The following CDH18 variants were observed in gnomAD, a reference collection of about 807,000 sequenced individuals.
The protein encoded by CDH18 is cadherin-18.
Under a neutral mutation model 67.9 loss-of-function variants are expected in CDH18, and 31 were observed. That is an observed-to-expected ratio of 0.46 (90% confidence interval 0.34 to 0.62). CDH18 has a LOEUF of 0.62. Among genes scored for constraint, CDH18 ranks in the 20% least tolerant of loss-of-function variants. CDH18 has a pLI of 0.01. For synonymous variants in CDH18, 362 were observed against 347.2 expected (o/e 1.04, Z -0.48); for missense variants, 890 against 975.5 (o/e 0.91, Z 1.17).
chr5:19,982,967 C>G (rs185454504), intron 1 of CDH18, among the ~76,000 whole-genome samples: 3,367 of 135,576 alleles, frequency 0.025, 51 homozygotes, highest in Non-Finnish European at 0.04. Context: ...TCGCTTGAAC[C>G]TGGGAGGTGG....
intron 2 of CDH18, among the ~76,000 whole-genome samples, chr5:19,912,676 G>A (rs2150142482): frequency 6.6e-6 from 1 of 152,276 alleles, no homozygotes; most frequent in Middle Eastern, 3.4e-3. Flanking sequence ...AAGATAATGT[G>A]TGCATAGAAG....
chr5:19,710,980 CA>C (rs563000446), intron 5 of CDH18, among the ~76,000 whole-genome samples: 223 of 151,830 alleles, frequency 1.5e-3, no homozygotes, highest in African/African-American at 5.2e-3. Context: ...TTTAAAAAAC[CA>C]ACAAAAACAA....
chr5:20,080,861 T>C (rs1744407822), intron 2 of CDH18, among the ~76,000 whole-genome samples: 1 of 152,140 alleles, frequency 6.6e-6, no homozygotes, highest in African/African-American at 2.4e-5. Context: ...AGTTGTGAAA[T>C]CTTTTCAAGA....
At chr5:19,505,399 T>C (rs1743955187) in intron 10 of CDH18, among the ~76,000 whole-genome samples, 1 of 152,180 alleles carries the variant, frequency 6.6e-6, no homozygotes, top group South Asian at 2.1e-4. Context: ...TTGTGCCAGT[T>C]TTCAAAGGGA....
chr5:19,681,421 G>C (rs866061725), intron 5 of CDH18, among the ~76,000 whole-genome samples: 14 of 151,832 alleles, frequency 9.2e-5, no homozygotes, highest in African/African-American at 2.7e-4. Flanking sequence ...CCTTTTAGTT[G>C]AATAGTTTTA....
rs556834412 is a variant in CDH18 at position 19,775,763 on chromosome 5, A to C, written c.229-28527T>G. ...CAGATGTACATCAGCAATATAAGAC[A>C]AATAAGGCCTACAGGAATACTACAC... On this transcript the variant is annotated intron_variant, in intron 3 of 12. Coordinates refer to ENST00000382275, the MANE Select transcript of CDH18 (RefSeq NM_004934.5). Among the ~76,000 whole-genome samples the C allele has an allele frequency of 5.9e-5, 9 of 152,174 alleles. No individual in the cohort carries two copies. The South Asian group carries it at 1.0e-3, about 18-fold the overall frequency.
chr5:20,315,397 G>A (rs983101909), intron 1 of CDH18, among the ~76,000 whole-genome samples: 3 of 151,952 alleles, frequency 2.0e-5, no homozygotes, highest in Non-Finnish European at 4.4e-5. Context: ...CTTTGCCAAT[G>A]GTCTTCTAGA....
At chr5:19,756,602 T>C (rs1771638669) in intron 3 of CDH18, among the ~76,000 whole-genome samples, 1 of 152,176 alleles carries the variant, frequency 6.6e-6, no homozygotes, top group South Asian at 2.1e-4. Flanking sequence ...AGTGGACTGA[T>C]TTCATCTTGA....
At chr5:20,570,044 T>A (rs998176019) in intron 1 of CDH18, among the ~76,000 whole-genome samples, 2 of 152,164 alleles carry the variant, frequency 1.3e-5, no homozygotes, top group African/African-American at 4.8e-5. Flanking sequence ...CATGACTAGG[T>A]GGTGCACAGG....
intron 1 of CDH18, among the ~76,000 whole-genome samples, chr5:20,492,020 T>G (rs1753621251): frequency 6.6e-6 from 1 of 152,174 alleles, no homozygotes. Flanking sequence ...GTGTATTATT[T>G]TCATCTTACT....
chr5:19,900,578 T>C (rs573193493), intron 2 of CDH18, among the ~76,000 whole-genome samples: 1 of 152,282 alleles, frequency 6.6e-6, no homozygotes, highest in East Asian at 1.9e-4. Context: ...TGTACACTTA[T>C]GTGTCTATAA....
chr5:19,703,428 CAG>C (rs1763526620), intron 5 of CDH18, among the ~76,000 whole-genome samples: 1 of 152,112 alleles, frequency 6.6e-6, no homozygotes, highest in African/African-American at 2.4e-5. Context: ...AACTAAGTAA[CAG>C]AAGAGGTGAC....
chr5:20,318,017 G>C (rs895487508), intron 1 of CDH18, among the ~76,000 whole-genome samples: 2 of 150,264 alleles, frequency 1.3e-5, no homozygotes, highest in Admixed American at 1.3e-4. Context: ...GAAGATACTG[G>C]AGTAATGAAA....
intron 1 of CDH18, among the ~76,000 whole-genome samples, chr5:20,479,818 C>G (rs765128014): frequency 5.3e-5 from 8 of 151,646 alleles, no homozygotes; most frequent in Non-Finnish European, 1.0e-4. Context: ...ATATTTAACC[C>G]AAATAAAACT....
intron 2 of CDH18, among the ~76,000 whole-genome samples, chr5:20,141,906 G>T (rs190709067): frequency 2.6e-5 from 4 of 151,798 alleles, no homozygotes; most frequent in Admixed American, 2.6e-4. Context: ...TAATATTAAA[G>T]TATTAATATT....
At chr5:19,561,120 A>C (rs1056533478) in intron 8 of CDH18, among the ~76,000 whole-genome samples, 1 of 152,168 alleles carries the variant, frequency 6.6e-6, no homozygotes, top group Non-Finnish European at 1.5e-5. Flanking sequence ...CAGAACTAAA[A>C]GTACATCTAT....
At chr5:19,601,037 A>T (rs9292690) in intron 6 of CDH18, among the ~76,000 whole-genome samples, 17 of 152,322 alleles carry the variant, frequency 1.1e-4, no homozygotes, top group African/African-American at 4.1e-4. Flanking sequence ...GAAATATTCA[A>T]ACGTGTACAG....
chr5:19,721,938 G>A (rs1400515088), intron 4 of CDH18, among the ~76,000 whole-genome samples: 4 of 152,098 alleles, frequency 2.6e-5, no homozygotes, highest in Non-Finnish European at 5.9e-5. Flanking sequence ...AATTATCAAT[G>A]ACATCACAAC....
chr5:19,665,364 T>C, intron 5 of CDH18, among the ~76,000 whole-genome samples: 1 of 152,102 alleles, frequency 6.6e-6, no homozygotes. Context: ...GTCTAAAATG[T>C]TTTAATATTA....
Sources: gnomAD v4.1 joint callset for allele counts (sites outside exome capture counted in the v4.1 genomes callset) on GRCh38, gnomAD v4.1.1 for gene constraint, MANE v1.5 for transcripts, NCBI Gene and HGNC (gene_info 2026-07-23, HGNC 2026-07-21) for gene names.